The following LRRTM3 variants were observed in gnomAD, a reference collection of about 807,000 sequenced individuals.
LRRTM3 encodes leucine rich repeat transmembrane neuronal 3, also known as leucine-rich repeat transmembrane neuronal protein 3.
A neutral mutation model predicts 44.7 loss-of-function variants in LRRTM3; 24 were observed. The ratio of observed to expected loss-of-function variants is 0.54; its 90% CI spans 0.39 to 0.76. The LOEUF (loss-of-function observed/expected upper bound fraction) is 0.76, where lower values mean the gene tolerates loss of function less well. LRRTM3 is among the 30% of genes least tolerant of loss of function. The probability of loss-of-function intolerance (pLI) is 0.00; values close to 1 mark genes in which losing one functional copy is unlikely to be tolerated. For missense variants in LRRTM3, 587 were observed against 702.2 expected (o/e 0.84, Z 1.85); for synonymous variants, 277 against 278.7 (o/e 0.99, Z 0.06).
chr10:67,086,480 C>G (rs1417101876), intron 2 of LRRTM3, among the ~76,000 whole-genome samples: 1 of 152,000 alleles, frequency 6.6e-6, no homozygotes, highest in Non-Finnish European at 1.5e-5. Context: ...ATGTCAGCTG[C>G]TTGGGTTCAG....
intron 2 of LRRTM3, among the ~76,000 whole-genome samples, chr10:66,995,901 T>C (rs540213582): frequency 6.6e-6 from 1 of 152,240 alleles, no homozygotes; most frequent in African/African-American, 2.4e-5. Flanking sequence ...CTAATATTTA[T>C]GGAGTACTGA....
chr10:66,997,203 C>T (rs146454000), intron 2 of LRRTM3, among the ~76,000 whole-genome samples: 308 of 152,206 alleles, frequency 2.0e-3, no homozygotes, highest in Admixed American at 4.1e-3. Flanking sequence ...ATTTCAGAGG[C>T]CTAATTTTCC....
chr10:67,091,254 G>T (rs1049288693), intron 2 of LRRTM3, among the ~76,000 whole-genome samples: 1 of 151,802 alleles, frequency 6.6e-6, no homozygotes, highest in Non-Finnish European at 1.5e-5. Flanking sequence ...AAATGAAAAA[G>T]AATAAAGTCA....
chr10:66,972,171 T>G (rs1849758250), intron 2 of LRRTM3, among the ~76,000 whole-genome samples: 1 of 152,172 alleles, frequency 6.6e-6, no homozygotes, highest in Non-Finnish European at 1.5e-5. Context: ...GTCAATTTAT[T>G]GTGGTTTTCC....
chr10:67,000,987 G>C (rs1450291016), intron 2 of LRRTM3, among the ~76,000 whole-genome samples: 1 of 152,024 alleles, frequency 6.6e-6, no homozygotes, highest in African/African-American at 2.4e-5. Context: ...AAATAGGAAG[G>C]AATAGTCCAA....
intron 2 of LRRTM3, among the ~76,000 whole-genome samples, chr10:66,992,590 C>G (rs1388578627): frequency 6.6e-6 from 1 of 151,812 alleles, no homozygotes; most frequent in Non-Finnish European, 1.5e-5. Flanking sequence ...ATGTATCAGT[C>G]TTTTCATTTA....
intron 2 of LRRTM3, among the ~76,000 whole-genome samples, chr10:66,993,326 A>G (rs1851143931): frequency 6.6e-6 from 1 of 152,166 alleles, no homozygotes. Context: ...ACATCACTCA[A>G]AGCCACCTCT....
chr10:66,949,901 G>C (rs1211386829), intron 2 of LRRTM3, among the ~76,000 whole-genome samples: 1 of 152,166 alleles, frequency 6.6e-6, no homozygotes, highest in African/African-American at 2.4e-5. Flanking sequence ...ATTTCTGAGT[G>C]GTTCAGAATC....
chr10:66,981,288 GC>G (rs1850426444), intron 2 of LRRTM3, among the ~76,000 whole-genome samples: 1 of 152,194 alleles, frequency 6.6e-6, no homozygotes, highest in Non-Finnish European at 1.5e-5. Context: ...TACATTTATA[GC>G]TGTTTTCTTT....
At chr10:67,087,973 T>C (rs956051754) in intron 2 of LRRTM3, among the ~76,000 whole-genome samples, 1 of 151,960 alleles carries the variant, frequency 6.6e-6, no homozygotes, top group African/African-American at 2.4e-5. Flanking sequence ...AAGGTTATGG[T>C]CTAATATGAG....
intron 2 of LRRTM3, among the ~76,000 whole-genome samples, chr10:66,942,662 C>G (rs541860496): frequency 6.6e-6 from 1 of 151,694 alleles, no homozygotes; most frequent in Non-Finnish European, 1.5e-5. Flanking sequence ...CACTTTCTCA[C>G]TCTCTCTTTC....
chr10:66,934,780 A>G (rs926075891), intron 2 of LRRTM3, among the ~76,000 whole-genome samples: 15 of 152,176 alleles, frequency 9.9e-5, no homozygotes, highest in African/African-American at 3.6e-4. Context: ...GGCATATAAA[A>G]TAGTAAGGCA....
intron 2 of LRRTM3, among the ~76,000 whole-genome samples, chr10:67,040,863 C>T (rs1230252265): frequency 1.3e-5 from 2 of 152,078 alleles, no homozygotes; most frequent in Admixed American, 6.6e-5. Context: ...TTTCATTGAA[C>T]AACTATGACA....
chr10:66,941,145 A>G (rs1347944040), intron 2 of LRRTM3, among the ~76,000 whole-genome samples: 1 of 152,252 alleles, frequency 6.6e-6, no homozygotes. Context: ...GTAGAGAGAC[A>G]ATATTTCCTC....
rs1858204239 is a variant in LRRTM3, at chr10:67,099,378, C to T, written c.*1582C>T. The T allele has an allele frequency of 6.6e-6, 1 of 151,326 alleles. No individual in the cohort carries two copies. The highest frequency in any genetic ancestry group is 2.1e-4 in the South Asian group (1 of 4,812). 9.4% of individuals were successfully genotyped at this position (151,326 alleles called of 1,614,324 possible). On this transcript the variant is annotated 3_prime_UTR_variant, in exon 3 of 3. Coordinates refer to ENST00000361320, the MANE Select transcript of LRRTM3 (RefSeq NM_178011.5). The stretch of plus-strand genomic sequence containing the variant: ...TTCAATTACTGTTGCACTAGAAGTG[C>T]TTTTTATGTTGTCATTTTATATTCA...
At chr10:67,040,547 T>A (rs751135623) in intron 2 of LRRTM3, among the ~76,000 whole-genome samples, 1 of 152,152 alleles carries the variant, frequency 6.6e-6, no homozygotes, top group African/African-American at 2.4e-5. Flanking sequence ...TCTCCCTTAG[T>A]TCTTATGGAT....
intron 2 of LRRTM3, among the ~76,000 whole-genome samples, chr10:66,941,441 A>C (rs1158387987): frequency 6.6e-6 from 1 of 152,222 alleles, no homozygotes; most frequent in Non-Finnish European, 1.5e-5. Flanking sequence ...AGGTAATTTT[A>C]AGTAAAATTT....
chr10:66,928,372 A>T lies in LRRTM3; in HGVS notation c.1456A>T (p.Thr486Ser). Residue 486 changes from threonine to serine, a missense_variant, in exon 2 of 3, where the codon ACC (threonine) becomes TCC (serine). This residue lies in a region of LRRTM3 where 315 missense variants were observed against 335.6 expected (regional missense o/e 0.94). Transcript: ENST00000361320. ...TQEFYVDYKPTNTETSEMLLN... is the reference protein window; with the variant it reads ...TQEFYVDYKPSNTETSEMLLN... Reference sequence around the variant, plus strand: ...GGAATTTTATGTAGATTATAAACCCACCAACACGGAGACCAGCGAGATGCT... The same window carrying T: ...GGAATTTTATGTAGATTATAAACCCTCCAACACGGAGACCAGCGAGATGCT... 1 of 1,614,140 alleles carries T rather than the reference A, an allele frequency of 6.2e-7. No individual in the cohort carries two copies. The highest frequency in any genetic ancestry group is 8.5e-7 in the Non-Finnish European group (1 of 1,180,032).
intron 2 of LRRTM3, among the ~76,000 whole-genome samples, chr10:67,007,522 A>T (rs1852068652): frequency 1.3e-5 from 2 of 152,052 alleles, no homozygotes; most frequent in Admixed American, 6.6e-5. Flanking sequence ...TTCAACTGCC[A>T]CTGAAACTTT....
Sources: allele counts gnomAD v4.1 joint callset (sites outside exome capture counted in the v4.1 genomes callset), GRCh38; gene constraint gnomAD v4.1.1; regional missense constraint gnomAD v4.1.1; transcripts MANE v1.5; gene names NCBI Gene and HGNC (gene_info 2026-07-23, HGNC 2026-07-21).